Variants in LMF2 observed in about 807,000 individuals in gnomAD.
The protein encoded by LMF2 is lipase maturation factor 2.
In LMF2, 113 loss-of-function variants were observed where a neutral mutation model predicts 81.5. The observed-to-expected ratio is 1.39, with a 90% CI of 1.19 to 1.62. The LOEUF is 1.62. Ranked by LOEUF, LMF2 falls within the 40% of genes most tolerant of loss-of-function variation. LMF2 has a pLI of 0.00. For synonymous variants in LMF2, 645 were observed against 424.5 expected, an observed-to-expected ratio of 1.52 and a Z score of -6.39; for missense variants, 1,235 against 929.1, an observed-to-expected ratio of 1.33 and a Z score of -4.28.
chr22:50,505,916 T>C, intron 5 of LMF2, 101 bp from the exon 6 acceptor site: 2 of 1,577,240 alleles, frequency 1.3e-6, no homozygotes, highest in East Asian at 4.5e-5. Flanking sequence ...CTACAAGGCC[T>C]TCCCAACAGC....
At chr22:50,505,954 C>G (rs1037621510) in intron 5 of LMF2, 81 bp downstream of exon 5, 24 of 1,559,412 alleles carry the variant, frequency 1.5e-5, no homozygotes, top group Non-Finnish European at 2.1e-5. Context: ...GGGAGCCACG[C>G]TGTCCCCAAC....
Position 50,504,326 on chromosome 22 carries a change from G to A in LMF2, c.1718+14C>T. On this transcript the variant is annotated intron_variant, in intron 12 of 13. Coordinates refer to ENST00000474879, the MANE Select transcript of LMF2 (RefSeq NM_033200.3). ...CACCCCGGGCTCCACACCCCACCCGGTGCCCAGCCTTACCCCTGCTCCCCA... is the reference window on the plus strand; with the variant it reads ...CACCCCGGGCTCCACACCCCACCCGATGCCCAGCCTTACCCCTGCTCCCCA... The A allele has an allele frequency of 6.3e-7, 1 of 1,598,746 alleles. No homozygotes were observed. Among genetic ancestry groups the A allele is most frequent in the Non-Finnish European group, 8.5e-7 (1 of 1,170,976 alleles).
Position 50,504,690 on chromosome 22 carries a change from C to A in LMF2, c.1475G>T (p.Arg492Leu). 7.5e-6 allele frequency: 12 copies of A among 1,609,694 alleles called. No homozygotes were observed. The highest frequency in any genetic ancestry group is 1.0e-5 in the Non-Finnish European group (12 of 1,179,406). The change falls in exon 11 of 14, where the codon CGG becomes CTG. Residue 492 changes from arginine to leucine, a missense_variant. Transcript: ENST00000474879. ...EFMYKPGNLS[R>L]PPPVVVPHQP... is the part of the protein sequence containing the mutation. ...GTGGGGCACCACAACCGGGGGCGGC[C>A]GGCTCAGGTTCCCAGGCTTGTACAT...
rs777149290 is a variant in LMF2 at position 50,505,822 on chromosome 22, G to T, written c.775-7C>A. The T allele has an allele frequency of 6.2e-6, 10 of 1,612,600 alleles. No individual in the cohort carries two copies. Among genetic ancestry groups the T allele is most frequent in the Admixed American group, 1.7e-5 (1 of 60,006 alleles). On this transcript the variant is annotated splice_polypyrimidine_tract_variant and splice_region_variant and intron_variant, in intron 5 of 13. Coordinates refer to ENST00000474879, the MANE Select transcript of LMF2 (RefSeq NM_033200.3). Reference sequence around the variant, plus strand: ...TCAGGACCTGCAGCAGCACCTGGGGGCGGCCCGCTCTCAGTGCTCCCGGAG... The same window carrying T: ...TCAGGACCTGCAGCAGCACCTGGGGTCGGCCCGCTCTCAGTGCTCCCGGAG...
At position 50,503,212 on chromosome 22, in the gene LMF2, CGTGGGG is replaced by C; in HGVS notation, c.*173_*178del. ...GAGTCCTGGGGAGGGGCATGGCTGGCGTGGGGGTGGGGCCTGGAGCCCTCAATGCAG... is the reference window on the plus strand; with the variant it reads ...GAGTCCTGGGGAGGGGCATGGCTGGCGTGGGGCCTGGAGCCCTCAATGCAG... On this transcript the variant is annotated 3_prime_UTR_variant, in exon 14 of 14. Coordinates refer to ENST00000474879, the MANE Select transcript of LMF2 (RefSeq NM_033200.3). 1.7e-6 allele frequency: 1 copy of C among 584,596 alleles called. No homozygotes were observed. Among genetic ancestry groups the C allele is most frequent in the Non-Finnish European group, 2.9e-6 (1 of 345,462 alleles). 36.2% of individuals were successfully genotyped at this position (584,596 alleles called of 1,614,324 possible).
intron 3 of LMF2, 48 bp downstream of exon 3, chr22:50,506,590 C>G: frequency 6.2e-7 from 1 of 1,600,352 alleles, no homozygotes; most frequent in Non-Finnish European, 8.5e-7. Flanking sequence ...GAGCCCTCCC[C>G]CACCCCCTAC....
In LMF2 at chr22:50,504,943, G is replaced by A. The variant is rs746897901; in HGVS notation, c.1296C>T (p.Leu432=). The A allele has an allele frequency of 1.2e-6, 2 of 1,607,746 alleles. No homozygotes were observed. The highest frequency in any genetic ancestry group is 2.2e-5 in the East Asian group (1 of 44,640). Residue 432 remains leucine (L), a synonymous_variant, in exon 10 of 14, where the codon CTC becomes CTT. Coordinates refer to ENST00000474879, the MANE Select transcript of LMF2 (RefSeq NM_033200.3). ...CAAACAGGCGGTGGGCCCCGGTCCAGAGGCGCCCGTGGGTCCCGGGCTCCA... is the reference window on the plus strand; with the variant it reads ...CAAACAGGCGGTGGGCCCCGGTCCAAAGGCGCCCGTGGGTCCCGGGCTCCA... ...SYVEPGTHGR[L]WTGAHRLFGA...
chr22:50,505,121 A>G lies in LMF2; in HGVS notation c.1190T>C (p.Leu397Pro). 1 of 1,612,894 alleles carries G rather than the reference A, an allele frequency of 6.2e-7. No homozygotes were observed. The highest frequency in any genetic ancestry group is 8.5e-7 in the Non-Finnish European group (1 of 1,179,986). The change falls in exon 9 of 14, where the codon CTC becomes CCC. Residue 397 changes from leucine (L) to proline (P), a missense_variant. Transcript: ENST00000474879. The stretch of plus-strand genomic sequence containing the variant: ...AAGGGACAGTTGGACTACAGCACTG[A>G]GCTTCCGTAGCCAGCCCCGCACCTG... ...WTQVRGWLRK[L>P]SAVVQLSLVG...
In LMF2 at chr22:50,503,543, G is replaced by A; in HGVS notation, c.1972C>T (p.Pro658Ser). ...AVRFVQALLA[P>S]CSLRSSPLAP... The stretch of plus-strand genomic sequence containing the variant: ...AGCGGGGAGGACCGGAGAGAACAGG[G>A]TGCTAGCAGGGCTTGCACAAATCTG... Residue 658 changes from proline to serine, a missense_variant, in exon 14 of 14, where the codon CCC (proline) becomes TCC (serine). By Grantham distance (74) the Pro-to-Ser change is moderately conservative. Transcript: ENST00000474879. 1 of 1,561,844 alleles carries A rather than the reference G, an allele frequency of 6.4e-7. No homozygotes were observed. The highest frequency in any genetic ancestry group is 1.2e-5 in the South Asian group (1 of 84,710).
rs1569517886 is a variant in LMF2 at position 50,503,696 on chromosome 22, TCTC to T, written c.1816_1818del (p.Glu606del). 1 of 867,318 alleles carries T rather than the reference TCTC, an allele frequency of 1.2e-6. No individual in the cohort carries two copies. The highest frequency in any genetic ancestry group is 5.1e-5 in the East Asian group (1 of 19,622). 53.7% of individuals were successfully genotyped at this position (867,318 alleles called of 1,614,324 possible). ...GCGCTGCGGGTGCGAGGTGGGCTTT[TCTC>T]CTGTGGGAGGGAGGGAGGGAGGGAG... On this transcript the variant is annotated inframe_deletion and splice_region_variant, in exon 14 of 14. Coordinates refer to ENST00000474879, the MANE Select transcript of LMF2 (RefSeq NM_033200.3).
Position 50,505,384 on chromosome 22 carries a change from C to A in LMF2, c.1051+19G>T. ...ACTGGTCCGCCCCTGCCCTCTGGCC[C>A]CCCCAGGTCGGCACTCACTGGTTCT... is the stretch of plus-strand genomic sequence containing the variant. On this transcript the variant is annotated intron_variant, in intron 7 of 13. Coordinates refer to ENST00000474879, the MANE Select transcript of LMF2 (RefSeq NM_033200.3). 6.2e-7 allele frequency: 1 copy of A among 1,613,242 alleles called. No individual in the cohort carries two copies. Among genetic ancestry groups the A allele is most frequent in the Non-Finnish European group, 8.5e-7 (1 of 1,180,028 alleles).
At position 50,503,352 on chromosome 22, in the gene LMF2, G is replaced by T; in HGVS notation, c.*39C>A. The stretch of plus-strand genomic sequence containing the variant: ...TGCCGGAGGCCAGAGCACTCCCGGC[G>T]ACCTGGCCCTCTCAGGACGTGCAGC... On this transcript the variant is annotated 3_prime_UTR_variant, in exon 14 of 14. Transcript: ENST00000474879. 5.6e-6 allele frequency: 9 copies of T among 1,604,790 alleles called. No homozygotes were observed. Among genetic ancestry groups the T allele is most frequent in the Non-Finnish European group, 7.7e-6 (9 of 1,176,346 alleles).
Position 50,505,696 on chromosome 22 carries a change from G to A in LMF2, c.894C>T (p.Gly298=). ...CACAGGTGGCCGTCTTCTTGCGGCTGCCGTGGCCAGGCTCAGCAGCCAGGT... is the reference window on the plus strand; with the variant it reads ...CACAGGTGGCCGTCTTCTTGCGGCTACCGTGGCCAGGCTCAGCAGCCAGGT... The part of the protein sequence containing the change: ...DQHLAAEPGH[G]SRKKTATSWP... Residue 298 remains glycine (G), a synonymous_variant, in exon 6 of 14, where the codon GGC becomes GGT. Transcript: ENST00000474879. 4 of 1,612,816 alleles carry A rather than the reference G, an allele frequency of 2.5e-6. No individual in the cohort carries two copies. The highest frequency in any genetic ancestry group is 1.3e-5 in the African/African-American group (1 of 75,056).
At position 50,504,449 on chromosome 22, in the gene LMF2, T is replaced by C. The variant is rs773678812; in HGVS notation, c.1609A>G (p.Ile537Val). ...LRLLQGKEPVIRLVQSQVARY... is the reference protein window; with the variant it reads ...LRLLQGKEPVVRLVQSQVARY... ...GCCACTTGGCTCTGGACAAGGCGGA[T>C]CACTGCAGCGAGAGGCATCAGCGTG... Residue 537 changes from isoleucine to valine, a missense_variant and splice_region_variant, in exon 12 of 14, where the codon ATC becomes GTC. Physicochemically the swap from Ile to Val is conservative, Grantham distance 29 (BLOSUM62 3). Transcript: ENST00000474879. 2 of 1,611,020 alleles carry C rather than the reference T, an allele frequency of 1.2e-6. No individual in the cohort carries two copies. Among genetic ancestry groups the C allele is most frequent in the South Asian group, 1.1e-5 (1 of 91,050 alleles).
intron 3 of LMF2, 68 bp from the exon 4 acceptor site, chr22:50,506,570 A>T (rs2068579292): frequency 1.1e-5 from 18 of 1,590,600 alleles, no homozygotes; most frequent in Non-Finnish European, 1.5e-5. Flanking sequence ...AAGTCCTCCC[A>T]GGAAGGGCAG....
chr22:50,504,381 G>C lies in LMF2; in HGVS notation c.1677C>G (p.Ala559=), dbSNP rs574969929. 1.6e-5 allele frequency: 25 copies of C among 1,612,304 alleles called. No individual in the cohort carries two copies. Among genetic ancestry groups the C allele is most frequent in the Non-Finnish European group, 1.7e-5 (20 of 1,179,658 alleles). Residue 559 remains alanine (A), a synonymous_variant, in exon 12 of 14, where the codon GCC becomes GCG. Coordinates refer to ENST00000474879, the MANE Select transcript of LMF2 (RefSeq NM_033200.3). ...GGGAGAACCAGTACTTGTAGCGCTGGGCTCGGACGTAGGTGGGCGGCTGCT... is the reference window on the plus strand; with the variant it reads ...GGGAGAACCAGTACTTGTAGCGCTGCGCTCGGACGTAGGTGGGCGGCTGCT... ...FHKQPPTYVR[A]QRYKYWFSQP...
intron 1 of LMF2, 40 bp downstream of exon 1, chr22:50,507,542 C>T: frequency 1.4e-6 from 2 of 1,435,084 alleles, no homozygotes; most frequent in Non-Finnish European, 1.9e-6. Flanking sequence ...CATAGGGTCC[C>T]GCGCCGAGGC....
At chr22:50,507,550 G>A in intron 1 of LMF2, 32 bp downstream of exon 1, 1 of 1,479,884 alleles carries the variant, frequency 6.8e-7, no homozygotes, top group East Asian at 2.5e-5. Flanking sequence ...CCCGCGCCGA[G>A]GCTGGGGGTG....
chr22:50,506,955 C>T lies in LMF2; in HGVS notation c.175G>A (p.Glu59Lys). The stretch of plus-strand genomic sequence containing the variant: ...GCTTCCCACAGCAGCGTCGGGGTCT[C>T]CCACAGCTGCTGCCAGCGCCCCTTG... Reference protein sequence around the residue: ...QGKGRWQQLWETPTLLWEAPR... With the variant: ...QGKGRWQQLWKTPTLLWEAPR... The change falls in exon 2 of 14, where the codon GAG (glutamate) becomes AAG (lysine). Residue 59 changes from glutamate (E) to lysine (K), a missense_variant. Coordinates refer to ENST00000474879, the MANE Select transcript of LMF2 (RefSeq NM_033200.3). 1.3e-6 allele frequency: 2 copies of T among 1,584,330 alleles called. No homozygotes were observed. Among genetic ancestry groups the T allele is most frequent in the East Asian group, 2.3e-5 (1 of 43,678 alleles).
Sources: allele counts gnomAD v4.1 joint callset, GRCh38; gene constraint gnomAD v4.1.1; transcripts MANE v1.5; gene names NCBI Gene and HGNC (gene_info 2026-07-23, HGNC 2026-07-21).